KLHL26: variants seen among roughly 807,000 people sequenced by gnomAD.
The protein encoded by KLHL26 is kelch-like protein 26.
In KLHL26, 4 loss-of-function variants were observed where a neutral mutation model predicts 7.1. The observed-to-expected ratio is 0.56, with a 90% confidence interval of 0.28 to 1.28. The LOEUF (loss-of-function observed/expected upper bound fraction) is 1.28. KLHL26 is among the 50% of genes most tolerant of loss of function. The pLI is 0.11. For missense variants in KLHL26, 896 were observed against 924.6 expected (o/e 0.97, Z 0.40); for synonymous variants, 465 against 414.1 (o/e 1.12, Z -1.49).
chr19:18,656,186 C>G lies in KLHL26; in HGVS notation c.84-8075C>G, dbSNP rs1048646711. Among the ~76,000 whole-genome samples, 2 of 152,074 alleles carry G rather than the reference C, an allele frequency of 1.3e-5. No individual in the cohort carries two copies. Among genetic ancestry groups the G allele is most frequent in the African/African-American group, 4.8e-5 (2 of 41,406 alleles). On this transcript the variant is annotated intron_variant, in intron 1 of 2. Coordinates refer to ENST00000300976, the MANE Select transcript of KLHL26 (RefSeq NM_018316.3). This position sits in a 1 kb window ranked among gnomAD's most constrained non-coding sequence, Gnocchi z 4.4. ...CTTCATGGTGGGGTTGGTGGGGGACCTGCAGGATGGGGGTGGACGGGCCTC... is the reference window on the plus strand; with the variant it reads ...CTTCATGGTGGGGTTGGTGGGGGACGTGCAGGATGGGGGTGGACGGGCCTC...
intron 1 of KLHL26, among the ~76,000 whole-genome samples, chr19:18,654,371 A>G (rs1355581411): frequency 1.4e-5 from 2 of 143,038 alleles, no homozygotes; most frequent in East Asian, 2.2e-4. Flanking sequence ...CTCATCCACC[A>G]TCTGCCCACC....
rs1479805742 is a variant in KLHL26, at chr19:18,668,223, C to T, written c.826C>T (p.Leu276=). Residue 276 remains leucine, a synonymous_variant, in exon 3 of 3, where the codon CTG becomes TTG. Transcript: ENST00000300976. ...GCTGGACATCATGGTGGAGGACGTG[C>T]TGTGCCGCCAGTATCTGCTGGAGGC... The part of the protein sequence containing the change: ...QTLDIMVEDV[L]CRQYLLEAFN... 24 of 1,611,914 alleles carry T rather than the reference C, an allele frequency of 1.5e-5. No homozygotes were observed. Among genetic ancestry groups the T allele is most frequent in the Non-Finnish European group, 2.0e-5 (24 of 1,179,890 alleles).
Position 18,648,171 on chromosome 19 carries a change from C to A in KLHL26, c.83+11034C>A, listed in dbSNP as rs960861053. Among the ~76,000 whole-genome samples the A allele has an allele frequency of 6.6e-6, 1 of 152,174 alleles. No individual in the cohort carries two copies. The highest frequency in any genetic ancestry group is 2.4e-5 in the African/African-American group (1 of 41,436). Reference sequence around the variant, plus strand: ...ATCACTTGAGGTCAGGAGTTCGAGACCAGCCTGGGCAACATAGTGAGATCC... The same window carrying A: ...ATCACTTGAGGTCAGGAGTTCGAGAACAGCCTGGGCAACATAGTGAGATCC... On this transcript the variant is annotated intron_variant, in intron 1 of 2. Coordinates refer to ENST00000300976, the MANE Select transcript of KLHL26 (RefSeq NM_018316.3). This position sits in a 1 kb window ranked among gnomAD's most constrained non-coding sequence, Gnocchi z 4.9.
At chr19:18,638,857 C>T (rs1204809154) in intron 1 of KLHL26, among the ~76,000 whole-genome samples, 61 of 150,346 alleles carry the variant, frequency 4.1e-4, no homozygotes, top group African/African-American at 1.4e-3. Context: ...TGCACCACCA[C>T]ACTTGGCTAA....
rs2052337891 is a variant in KLHL26 at position 18,656,706 on chromosome 19, G to T, written c.84-7555G>T. Among the ~76,000 whole-genome samples the T allele has an allele frequency of 3.1e-5, 4 of 127,096 alleles. No homozygotes were observed. In the Admixed American group the frequency reaches 3.6e-4, roughly 11 times the overall value. The allele number at this position is 127,096 out of a possible 152,430, so 83.4% of individuals were successfully genotyped here. On this transcript the variant is annotated intron_variant, in intron 1 of 2. Transcript: ENST00000300976. The surrounding 1 kb of genome is among the most constrained non-coding windows in gnomAD (Gnocchi z 4.4). ...GCCCTGTCTGCCTCAGTAGCGCGGGGCTCTTGGAGGAGGCTTGAGGGTGGG... is the reference window on the plus strand; with the variant it reads ...GCCCTGTCTGCCTCAGTAGCGCGGGTCTCTTGGAGGAGGCTTGAGGGTGGG...
Position 18,668,445 on chromosome 19 carries a change from G to A in KLHL26, c.1048G>A (p.Gly350Ser). Residue 350 changes from glycine (G) to serine (S), a missense_variant, in exon 3 of 3, where the codon GGC (glycine) becomes AGC (serine). Coordinates refer to ENST00000300976, the MANE Select transcript of KLHL26 (RefSeq NM_018316.3). Reference sequence around the variant, plus strand: ...CCGCGAGCTCACGGAGATGGAGGTAGGCTGCAGCCACACGTGCGTGGCCGT... The same window carrying A: ...CCGCGAGCTCACGGAGATGGAGGTAAGCTGCAGCCACACGTGCGTGGCCGT... ...HFRELTEMEV[G>S]CSHTCVAVLD... 1 of 1,611,466 alleles carries A rather than the reference G, an allele frequency of 6.2e-7. No homozygotes were observed. The highest frequency in any genetic ancestry group is 8.5e-7 in the Non-Finnish European group (1 of 1,179,730).
intron 1 of KLHL26, among the ~76,000 whole-genome samples, chr19:18,662,918 C>T (rs2052406191): frequency 6.6e-6 from 1 of 152,080 alleles, no homozygotes; most frequent in African/African-American, 2.4e-5. Context: ...GCCACGGGGA[C>T]AAGCCAGAGT....
rs1249533623 is a variant in KLHL26 at position 18,647,893 on chromosome 19, G to A, written c.83+10756G>A. ...TTGTGCAGGTGCCACAGTCTCCTGT[G>A]TCCACCCCATGCCTGGTGCTGGACA... On this transcript the variant is annotated intron_variant, in intron 1 of 2. Coordinates refer to ENST00000300976, the MANE Select transcript of KLHL26 (RefSeq NM_018316.3). Among the ~76,000 whole-genome samples the A allele has an allele frequency of 3.3e-5, 5 of 152,318 alleles. No homozygotes were observed. In the East Asian group the frequency reaches 7.7e-4, roughly 24 times the overall value.
Position 18,668,631 on chromosome 19 carries a change from T to C in KLHL26, c.1234T>C (p.Cys412Arg). ...CATCCAGTTCCAGCTGAACGTGCTG[T>C]GCGGCATGGTGTACGCCACGGGCGG... The part of the protein sequence containing the change: ...SRIQFQLNVL[C>R]GMVYATGGRN... Residue 412 changes from cysteine (C) to arginine (R), a missense_variant, in exon 3 of 3, where the codon TGC (cysteine) becomes CGC (arginine). By Grantham distance (180) the Cys-to-Arg change is radical. Coordinates refer to ENST00000300976, the MANE Select transcript of KLHL26 (RefSeq NM_018316.3). 6.3e-7 allele frequency: 1 copy of C among 1,580,136 alleles called. No individual in the cohort carries two copies. The highest frequency in any genetic ancestry group is 8.6e-7 in the Non-Finnish European group (1 of 1,169,374).
At chr19:18,641,530 A>T (rs987667368) in intron 1 of KLHL26, among the ~76,000 whole-genome samples, 15 of 143,142 alleles carry the variant, frequency 1.0e-4, no homozygotes, top group African/African-American at 3.9e-4. Context: ...TGTTGGCTAG[A>T]CTGGTCTCAA....
At chr19:18,654,611 G>A (rs563181303) in intron 1 of KLHL26, among the ~76,000 whole-genome samples, 14 of 139,984 alleles carry the variant, frequency 1.0e-4, no homozygotes, top group Admixed American at 3.5e-4. Context: ...CCGTCCATCC[G>A]TTCATCCACC....
rs764322166 is a variant in KLHL26, at chr19:18,669,221, G to T, written c.1824G>T (p.Leu608=). The T allele has an allele frequency of 6.2e-7, 1 of 1,610,774 alleles. No homozygotes were observed. Among genetic ancestry groups the T allele is most frequent in the East Asian group, 2.2e-5 (1 of 44,868 alleles). ...FAGIACAPVL[L]PRAGTRR ...GCATAGCCTGCGCCCCCGTCCTGCT[G>T]CCCCGGGCCGGGACCAGGAGGTAGC... Residue 608 remains leucine (L), a synonymous_variant, in exon 3 of 3, where the codon CTG becomes CTT. Transcript: ENST00000300976.
Position 18,664,432 on chromosome 19 carries a change from C to A in KLHL26, c.255C>A (p.Ser85Arg), listed in dbSNP as rs754937603. Residue 85 changes from serine (S) to arginine (R), a missense_variant, in exon 2 of 3, where the codon AGC (serine) becomes AGA (arginine). Physicochemically the swap from Ser to Arg is moderately radical, Grantham distance 110. Transcript: ENST00000300976. Reference sequence around the variant, plus strand: ...ACAAGGTCGTCCTGGCTGCCTGCAGCGACTACTTCAGGTAAGTGCTGGCCC... The same window carrying A: ...ACAAGGTCGTCCTGGCTGCCTGCAGAGACTACTTCAGGTAAGTGCTGGCCC... ...PAHKVVLAAC[S>R]DYFRAMFTGG... 27 of 1,583,790 alleles carry A rather than the reference C, an allele frequency of 1.7e-5. No homozygotes were observed. Among genetic ancestry groups the A allele is most frequent in the Non-Finnish European group, 2.2e-5 (26 of 1,165,220 alleles).
chr19:18,654,807 ATCTG>A (rs1206196769), intron 1 of KLHL26, among the ~76,000 whole-genome samples: 7 of 150,094 alleles, frequency 4.7e-5, no homozygotes, highest in African/African-American at 1.7e-4. Context: ...CCACCCATTC[ATCTG>A]TCTATCTACC....
rs1008222780 is a variant in KLHL26, at chr19:18,667,701, G to A, written c.304G>A (p.Asp102Asn). Reference protein sequence around the residue: ...FTGGMREASQDVIELKGVSAR... With the variant: ...FTGGMREASQNVIELKGVSAR... ...CGGCGGCATGCGGGAGGCAAGCCAG[G>A]ACGTCATCGAGCTGAAGGGCGTGTC... is the stretch of plus-strand genomic sequence containing the variant. The change falls in exon 3 of 3, where the codon GAC (aspartate) becomes AAC (asparagine). Residue 102 changes from aspartate to asparagine, a missense_variant. Transcript: ENST00000300976. The A allele has an allele frequency of 6.2e-7, 1 of 1,612,932 alleles. No individual in the cohort carries two copies. The highest frequency in any genetic ancestry group is 1.3e-5 in the African/African-American group (1 of 75,064).
rs778310866 is a variant in KLHL26, at chr19:18,668,442, G to T, written c.1045G>T (p.Val349Leu). ...RHFRELTEMEVGCSHTCVAVL... is the reference protein window; with the variant it reads ...RHFRELTEMELGCSHTCVAVL... ...CTTCCGCGAGCTCACGGAGATGGAG[G>T]TAGGCTGCAGCCACACGTGCGTGGC... is the stretch of plus-strand genomic sequence containing the variant. Residue 349 changes from valine (V) to leucine (L), a missense_variant, in exon 3 of 3, where the codon GTA becomes TTA. Val to Leu is a conservative substitution (Grantham distance 32). Transcript: ENST00000300976. The T allele has an allele frequency of 1.2e-6, 2 of 1,611,480 alleles. No homozygotes were observed. Among genetic ancestry groups the T allele is most frequent in the Non-Finnish European group, 1.7e-6 (2 of 1,179,736 alleles).
intron 1 of KLHL26, among the ~76,000 whole-genome samples, chr19:18,639,352 A>C (rs1409277796): frequency 5.3e-5 from 8 of 150,092 alleles, no homozygotes; most frequent in Non-Finnish European, 1.5e-5. Context: ...CTGGGATTAC[A>C]GGCGTGAACT....
chr19:18,641,690 G>A (rs1411605468), intron 1 of KLHL26, among the ~76,000 whole-genome samples: 4 of 146,134 alleles, frequency 2.7e-5, no homozygotes, highest in Non-Finnish European at 5.9e-5. Context: ...GTGCAGTGGC[G>A]TGATCTTGGC....
At chr19:18,661,157 G>A (rs2052388452) in intron 1 of KLHL26, among the ~76,000 whole-genome samples, 1 of 152,170 alleles carries the variant, frequency 6.6e-6, no homozygotes, top group South Asian at 2.1e-4. Flanking sequence ...GTGGTTGAGT[G>A]ACTGCTGAGT....
Sources: gnomAD v4.1 joint callset for allele counts (sites outside exome capture counted in the v4.1 genomes callset) on GRCh38, gnomAD v4.1.1 for gene constraint, Gnocchi (gnomAD v3.1) non-coding constraint, MANE v1.5 for transcripts, NCBI Gene and HGNC (gene_info 2026-07-23, HGNC 2026-07-21) for gene names.